Variants in TENT4A observed in about 807,000 individuals in gnomAD.
TENT4A encodes the protein terminal nucleotidyltransferase 4A.
A neutral mutation model predicts 72.8 loss-of-function variants in TENT4A; 7 were observed. The observed-to-expected ratio is 0.10, with a 90% confidence interval of 0.05 to 0.18. The LOEUF is 0.18. Ranked by LOEUF, TENT4A falls within the 10% of genes least tolerant of loss-of-function variation. TENT4A has a pLI of 1.00. For missense variants in TENT4A, 831 were observed against 1,017.7 expected (o/e 0.82, Z 2.50); for synonymous variants, 456 against 434.3 (o/e 1.05, Z -0.62).
In TENT4A at chr5:6,740,730, T is replaced by C. The variant is rs879551839; in HGVS notation, c.1008+878T>C. ...AGTGCACATGCTCATGTCACTGTCATGTGGACCAGAGCGAGCAGGCAGCAC... is the reference window on the plus strand; with the variant it reads ...AGTGCACATGCTCATGTCACTGTCACGTGGACCAGAGCGAGCAGGCAGCAC... On this transcript the variant is annotated intron_variant, in intron 4 of 12. Coordinates refer to ENST00000230859, the MANE Select transcript of TENT4A (RefSeq NM_006999.6). Among the ~76,000 whole-genome samples, 20 of 152,352 alleles carry C rather than the reference T, an allele frequency of 1.3e-4. No individual in the cohort carries two copies. The East Asian group carries it at 1.4e-3, about 10-fold the overall frequency.
chr5:6,741,105 C>T (rs1334299582), intron 4 of TENT4A, among the ~76,000 whole-genome samples: 1 of 152,188 alleles, frequency 6.6e-6, no homozygotes, highest in African/African-American at 2.4e-5. Context: ...CCTGAGGCCA[C>T]ACAGTAGGTT....
intron 7 of TENT4A, among the ~76,000 whole-genome samples, chr5:6,746,696 T>A (rs1423866102): frequency 6.6e-6 from 1 of 152,258 alleles, no homozygotes; most frequent in South Asian, 2.1e-4. Context: ...GTATAACATA[T>A]CCACCCTAAA....
intron 1 of TENT4A, among the ~76,000 whole-genome samples, chr5:6,717,089 T>A (rs1185418478): frequency 6.6e-6 from 1 of 152,250 alleles, no homozygotes; most frequent in African/African-American, 2.4e-5. Flanking sequence ...GTCCCCCCTG[T>A]GATCATTTCC....
chr5:6,728,893 A>G (rs1741070953), intron 1 of TENT4A, among the ~76,000 whole-genome samples: 1 of 152,224 alleles, frequency 6.6e-6, no homozygotes, highest in African/African-American at 2.4e-5. Flanking sequence ...TAATTTTTCC[A>G]TTGTTAACAT....
rs1481699957 is a variant in TENT4A at position 6,739,931 on chromosome 5, A to G, written c.1008+79A>G. 14 of 1,405,486 alleles carry G rather than the reference A, an allele frequency of 1.0e-5. No homozygotes were observed. The East Asian group carries it at 2.8e-4, about 28-fold the overall frequency. 87.1% of individuals were successfully genotyped at this position (1,405,486 alleles called of 1,614,324 possible). A position where few individuals can be genotyped will look rare whatever the true frequency, so the allele number is the denominator to read the frequency against. ...GGTGGTCACAGGATACGCCTGCGTC[A>G]CGAGCTTGTGGTATTTTACACAGTT... On this transcript the variant is annotated intron_variant, in intron 4 of 12. Coordinates refer to ENST00000230859, the MANE Select transcript of TENT4A (RefSeq NM_006999.6).
At chr5:6,746,040 C>A in intron 6 of TENT4A, 174 bp from the exon 7 acceptor site, 1 of 1,461,684 alleles carries the variant, frequency 6.8e-7, no homozygotes, top group Non-Finnish European at 9.0e-7. Context: ...TCCTTTTGAA[C>A]ACTCCTCGTT....
At chr5:6,740,736 C>G (rs1462750616) in intron 4 of TENT4A, among the ~76,000 whole-genome samples, 1 of 152,224 alleles carries the variant, frequency 6.6e-6, no homozygotes, top group Non-Finnish European at 1.5e-5. Flanking sequence ...GTCATGTGGA[C>G]CAGAGCGAGC....
intron 1 of TENT4A, among the ~76,000 whole-genome samples, chr5:6,722,123 C>T (rs979053735): frequency 3.9e-5 from 6 of 152,196 alleles, no homozygotes; most frequent in Non-Finnish European, 8.8e-5. Flanking sequence ...ATGTCACACA[C>T]TCACAGGTCT....
At chr5:6,737,909 G>GTTTTT (rs374682397) in intron 2 of TENT4A, among the ~76,000 whole-genome samples, 52 of 129,070 alleles carry the variant, frequency 4.0e-4, no homozygotes, top group East Asian at 2.3e-3. Context: ...GATTTGTTGG[G>GTTTTT]TTTTTTTTTT....
At chr5:6,719,564 G>A (rs1457232566) in intron 1 of TENT4A, among the ~76,000 whole-genome samples, 3 of 152,162 alleles carry the variant, frequency 2.0e-5, no homozygotes, top group Non-Finnish European at 1.5e-5. Flanking sequence ...CTTCTCTGCA[G>A]TGAATTGGAT....
At chr5:6,741,514 A>G (rs1741805259) in intron 4 of TENT4A, among the ~76,000 whole-genome samples, 3 of 152,178 alleles carry the variant, frequency 2.0e-5, no homozygotes, top group Admixed American at 1.3e-4. Context: ...AGGCATAGCC[A>G]TTGAGTGTTG....
At chr5:6,746,489 AGGGCCTGTGTTGG>A in intron 7 of TENT4A, 62 bp downstream of exon 7, 1 of 1,525,760 alleles carries the variant, frequency 6.6e-7, no homozygotes, top group Non-Finnish European at 9.0e-7. Context: ...TGCTGGTGAC[AGGGCCTGTGTTGG>A]GGCTCTGAGA....
rs1395739904 is a variant in TENT4A, at chr5:6,714,190, C to A, written c.207C>A (p.Pro69=). Residue 69 remains proline (P), a synonymous_variant, in exon 1 of 13, where the codon CCC becomes CCA. Transcript: ENST00000230859. ...RGSGGLGPAL[P]AASPPPPGPT... ...GTGGCGGCCTGGGCCCCGCGCTGCCCGCCGCGTCGCCCCCGCCGCCCGGCC... is the reference window on the plus strand; with the variant it reads ...GTGGCGGCCTGGGCCCCGCGCTGCCAGCCGCGTCGCCCCCGCCGCCCGGCC... 2.1e-6 allele frequency: 2 copies of A among 959,848 alleles called. No individual in the cohort carries two copies. Among genetic ancestry groups the A allele is most frequent in the Non-Finnish European group, 2.5e-6 (2 of 812,192 alleles). The allele number at this position is 959,848 out of a possible 1,614,324, so 59.5% of individuals were successfully genotyped here. A position where few individuals can be genotyped will look rare whatever the true frequency, so the allele number is the denominator to read the frequency against.
chr5:6,730,224 G>A (rs1345904279), intron 1 of TENT4A, among the ~76,000 whole-genome samples: 1 of 152,054 alleles, frequency 6.6e-6, no homozygotes, highest in Non-Finnish European at 1.5e-5. Context: ...CTCACACTCC[G>A]GTGAGGTTCT....
rs1355902117 is a variant in TENT4A, at chr5:6,756,531, C to T, written c.*1586C>T. 1 of 152,376 alleles carries T rather than the reference C, an allele frequency of 6.6e-6. No individual in the cohort carries two copies. Among genetic ancestry groups the T allele is most frequent in the Non-Finnish European group, 1.5e-5 (1 of 68,044 alleles). 9.4% of individuals were successfully genotyped at this position (152,376 alleles called of 1,614,324 possible). A position where few individuals can be genotyped will look rare whatever the true frequency, so the allele number is the denominator to read the frequency against. On this transcript the variant is annotated 3_prime_UTR_variant, in exon 13 of 13. Transcript: ENST00000230859. ...GGACAAGCTTTAAAATGTCTGCGGT[C>T]TGCCCTTTTGAAGCAGGACTGGCTC...
At position 6,714,595 on chromosome 5, in the gene TENT4A, C is replaced by A; in HGVS notation, c.612C>A (p.Ser204=). ...CCTACGGCCTCAACTACCTGCTGTCCGGCAGCCGCGCGGCCGCTCTCAGCG... is the reference window on the plus strand; with the variant it reads ...CCTACGGCCTCAACTACCTGCTGTCAGGCAGCCGCGCGGCCGCTCTCAGCG... ...ASTYGLNYLL[S]GSRAAALSGG... The change falls in exon 1 of 13, where the codon TCC becomes TCA. Residue 204 remains serine, a synonymous_variant. Coordinates refer to ENST00000230859, the MANE Select transcript of TENT4A (RefSeq NM_006999.6). The A allele has an allele frequency of 8.3e-7, 1 of 1,198,450 alleles. No homozygotes were observed. The highest frequency in any genetic ancestry group is 1.0e-6 in the Non-Finnish European group (1 of 966,326). The allele number at this position is 1,198,450 out of a possible 1,614,324, so 74.2% of individuals were successfully genotyped here. A position where few individuals can be genotyped will look rare whatever the true frequency, so the allele number is the denominator to read the frequency against.
intron 12 of TENT4A, among the ~76,000 whole-genome samples, chr5:6,753,604 T>C (rs1742532257): frequency 6.6e-6 from 1 of 152,268 alleles, no homozygotes; most frequent in Admixed American, 6.5e-5. Context: ...TTGAAGTACC[T>C]GAATGATTGG....
At chr5:6,741,006 C>G (rs950001641) in intron 4 of TENT4A, among the ~76,000 whole-genome samples, 1 of 152,174 alleles carries the variant, frequency 6.6e-6, no homozygotes, top group African/African-American at 2.4e-5. Flanking sequence ...TCTGCTGCTC[C>G]TCTGTGTGTG....
rs539974549 is a variant in TENT4A at position 6,755,131 on chromosome 5, C to G, written c.*186C>G. On this transcript the variant is annotated 3_prime_UTR_variant, in exon 13 of 13. Coordinates refer to ENST00000230859, the MANE Select transcript of TENT4A (RefSeq NM_006999.6). ...ATCTTCAAGAACAGCTCGTTGTGCTCATCTGTGAAGCCTTATTAAACGTGG... is the reference window on the plus strand; with the variant it reads ...ATCTTCAAGAACAGCTCGTTGTGCTGATCTGTGAAGCCTTATTAAACGTGG... The G allele has an allele frequency of 4.1e-6, 2 of 485,528 alleles. No individual in the cohort carries two copies. The highest frequency in any genetic ancestry group is 7.2e-6 in the Non-Finnish European group (2 of 276,632). The allele number at this position is 485,528 out of a possible 1,614,324, so 30.1% of individuals were successfully genotyped here.
Sources: gnomAD v4.1 joint callset for allele counts (sites outside exome capture counted in the v4.1 genomes callset) on GRCh38, gnomAD v4.1.1 for gene constraint, MANE v1.5 for transcripts, NCBI Gene and HGNC (gene_info 2026-07-23, HGNC 2026-07-21) for gene names.